The following ITIH4 variants were observed in gnomAD, a reference collection of about 807,000 sequenced individuals.
The protein encoded by ITIH4 is inter-alpha-trypsin inhibitor heavy chain 4.
Under a neutral mutation model 111.8 loss-of-function variants are expected in ITIH4, and 79 were observed. The observed-to-expected ratio is 0.71, with a 90% CI of 0.59 to 0.85. The LOEUF is 0.85. Among genes scored for constraint, ITIH4 ranks in the 40% least tolerant of loss-of-function variants. The probability of loss-of-function intolerance (pLI) is 0.00; values close to 1 mark genes in which losing one functional copy is unlikely to be tolerated. For synonymous variants in ITIH4, 472 were observed against 468.3 expected (o/e 1.01, Z -0.10); for missense variants, 1,065 against 1,195.8 (o/e 0.89, Z 1.61).
chr3:52,823,950 C>T lies in ITIH4; in HGVS notation c.1226G>A (p.Arg409Gln), dbSNP rs748039841. 1.5e-5 allele frequency: 24 copies of T among 1,597,734 alleles called. No individual in the cohort carries two copies. Among genetic ancestry groups the T allele is most frequent in the Admixed American group, 5.2e-5 (3 of 58,056 alleles). ...QNNVREAVSG[R>Q]YSLFCLGFGF... The stretch of plus-strand genomic sequence containing the variant: ...GAAGCCCAGGCAGAAGAGGCTGTAC[C>T]GGCCACTTACAGCTTCCCGCACGTT... Residue 409 changes from arginine to glutamine, a missense_variant, in exon 10 of 24, where the codon CGG becomes CAG. Arg to Gln is a conservative substitution (Grantham distance 43). Coordinates refer to ENST00000266041, the MANE Select transcript of ITIH4 (RefSeq NM_002218.5).
At chr3:52,818,633 G>A in intron 17 of ITIH4, 97 bp from the exon 18 acceptor site, 1 of 958,796 alleles carries the variant, frequency 1.0e-6, no homozygotes, top group Non-Finnish European at 1.6e-6. Flanking sequence ...CCCCCATCCT[G>A]CCACACATAC....
chr3:52,826,094 G>C (rs1700476087), intron 5 of ITIH4, 80 bp from the exon 6 acceptor site: 1 of 1,563,896 alleles, frequency 6.4e-7, no homozygotes. Context: ...TCTGTATATT[G>C]GGAAATCAGA....
At chr3:52,814,098 G>T (rs1700234699) in intron 22 of ITIH4, 27 bp from the exon 23 acceptor site, 1 of 1,611,088 alleles carries the variant, frequency 6.2e-7, no homozygotes, top group Non-Finnish European at 8.5e-7. Context: ...GGATCAGTAA[G>T]GGTCAGAGAC....
intron 14 of ITIH4, 147 bp from the exon 15 acceptor site, chr3:52,820,137 TG>T: frequency 7.7e-7 from 1 of 1,293,468 alleles, no homozygotes; most frequent in Non-Finnish European, 1.1e-6. Context: ...ACCAGCATGC[TG>T]GGTCAGATTA....
At chr3:52,816,840 C>T in intron 21 of ITIH4, 44 bp downstream of exon 21, 1 of 1,582,016 alleles carries the variant, frequency 6.3e-7, no homozygotes, top group Non-Finnish European at 8.6e-7. Flanking sequence ...GCCACTGTAG[C>T]CTGAAAGGTC....
intron 14 of ITIH4, 145 bp from the exon 15 acceptor site, chr3:52,820,135 G>T: frequency 7.7e-7 from 1 of 1,292,806 alleles, no homozygotes; most frequent in Non-Finnish European, 1.1e-6. Flanking sequence ...GCACCAGCAT[G>T]CTGGGTCAGA....
Position 52,823,594 on chromosome 3 carries a change from C to T in ITIH4, c.1501G>A (p.Gly501Arg), listed in dbSNP as rs141191778. Residue 501 changes from glycine (G) to arginine (R), a missense_variant, in exon 11 of 24, where the codon GGG (glycine) becomes AGG (arginine). Physicochemically the swap from Gly to Arg is moderately radical, Grantham distance 125. Coordinates refer to ENST00000266041, the MANE Select transcript of ITIH4 (RefSeq NM_002218.5). ...MVVAGKLQDR[G>R]PDVLTATVSG... ...ACTGTGGCTGTGAGCACATCAGGCC[C>T]CCGGTCCTGGAGCTTCCCAGCCACC... The T allele has an allele frequency of 1.2e-6, 2 of 1,613,346 alleles. No homozygotes were observed. Among genetic ancestry groups the T allele is most frequent in the Middle Eastern group, 1.7e-4 (1 of 5,848 alleles).
At position 52,818,484 on chromosome 3, in the gene ITIH4, A is replaced by T; in HGVS notation, c.2130T>A (p.Arg710=). The T allele has an allele frequency of 6.2e-7, 1 of 1,605,404 alleles. No homozygotes were observed. Among genetic ancestry groups the T allele is most frequent in the Non-Finnish European group, 8.5e-7 (1 of 1,175,788 alleles). The change falls in exon 18 of 24, where the codon CGT becomes CGA. Residue 710 remains arginine (R), a synonymous_variant. Transcript: ENST00000266041. ...CACCTTCGATTTTCATATTCATGAC[A>T]CGAGACACAGCTGGATCAGGATTTG... ...ATSNPDPAVS[R]VMNMKIEETT...
chr3:52,826,923 C>T lies in ITIH4; in HGVS notation c.387G>A (p.Gln129=). Residue 129 remains glutamine, a synonymous_variant, in exon 4 of 24, where the codon CAG becomes CAA. Coordinates refer to ENST00000266041, the MANE Select transcript of ITIH4 (RefSeq NM_002218.5). The part of the protein sequence containing the change: ...KATGRNMEQF[Q]VSVSVAPNAK... ...CATTGGGAGCCACACTGACCGACAC[C>T]TGGAACTGCTCCATGTTTCTCCCGG... 2.5e-6 allele frequency: 4 copies of T among 1,614,116 alleles called. No individual in the cohort carries two copies. Among genetic ancestry groups the T allele is most frequent in the Non-Finnish European group, 3.4e-6 (4 of 1,180,020 alleles).
At chr3:52,816,833 A>T (rs984047248) in intron 21 of ITIH4, 51 bp downstream of exon 21, 2 of 1,552,650 alleles carry the variant, frequency 1.3e-6, no homozygotes, top group African/African-American at 2.7e-5. Flanking sequence ...ATCATCAGCC[A>T]CTGTAGCCTG....
chr3:52,819,110 C>A, intron 17 of ITIH4: 1 of 418,982 alleles, frequency 2.4e-6, no homozygotes, highest in Non-Finnish European at 4.4e-6. Flanking sequence ...CTAAAGGACC[C>A]GGGTGAGCTC....
rs757976817 is a variant in ITIH4 at position 52,818,179 on chromosome 3, C to T, written c.2180-11G>A. On this transcript the variant is annotated splice_polypyrimidine_tract_variant and intron_variant, in intron 19 of 23. Coordinates refer to ENST00000266041, the MANE Select transcript of ITIH4 (RefSeq NM_002218.5). Reference sequence around the variant, plus strand: ...GAGCCTGTATGGGGGCTGGGACAGCCGGGGCACGGCTCCTGGAGCAGGAAG... The same window carrying T: ...GAGCCTGTATGGGGGCTGGGACAGCTGGGGCACGGCTCCTGGAGCAGGAAG... 18 of 1,604,172 alleles carry T rather than the reference C, an allele frequency of 1.1e-5. No homozygotes were observed. The highest frequency in any genetic ancestry group is 1.1e-4 in the South Asian group (10 of 90,206).
intron 20 of ITIH4, 37 bp from the exon 21 acceptor site, chr3:52,817,095 C>T (rs1440135943): frequency 6.3e-7 from 1 of 1,586,824 alleles, no homozygotes. Flanking sequence ...TAGCTGGGCC[C>T]CAGCCAGGTC....
intron 21 of ITIH4, 54 bp downstream of exon 21, chr3:52,816,830 G>C: frequency 1.9e-6 from 3 of 1,541,700 alleles, no homozygotes; most frequent in Non-Finnish European, 2.7e-6. Flanking sequence ...ACCATCATCA[G>C]CCACTGTAGC....
chr3:52,825,751 T>C (rs1196164589), intron 6 of ITIH4, 135 bp downstream of exon 6: 1 of 965,888 alleles, frequency 1.0e-6, no homozygotes, highest in Admixed American at 2.7e-5. Context: ...AATCACGTGT[T>C]TTCTGTCTGT....
At chr3:52,818,907 C>A in intron 17 of ITIH4, 1 of 311,750 alleles carries the variant, frequency 3.2e-6, no homozygotes, top group African/African-American at 2.1e-5. Flanking sequence ...GAGGGGAGGC[C>A]TGATGTCCAT....
At chr3:52,825,176 C>T (rs1213319418) in intron 6 of ITIH4, 3 of 378,336 alleles carry the variant, frequency 7.9e-6, no homozygotes, top group Non-Finnish European at 1.4e-5. Context: ...CAGAACTCTC[C>T]CTGCAACTTT....
chr3:52,821,078 G>A lies in ITIH4; in HGVS notation c.1592C>T (p.Ala531Val), dbSNP rs754898084. The stretch of plus-strand genomic sequence containing the variant: ...GATATACTTGGGGCTCTGGAACTCC[G>A]CCTCCTGCTCTGCCACACTGGACTC... ...QTESSVAEQE[A>V]EFQSPKYIFH... The change falls in exon 12 of 24, where the codon GCG becomes GTG. Residue 531 changes from alanine to valine, a missense_variant. Ala to Val is a moderately conservative substitution (Grantham distance 64, BLOSUM62 0). Coordinates refer to ENST00000266041, the MANE Select transcript of ITIH4 (RefSeq NM_002218.5). The A allele has an allele frequency of 4.3e-6, 7 of 1,613,928 alleles. No individual in the cohort carries two copies. The South Asian group carries it at 7.7e-5, about 18-fold the overall frequency.
Position 52,813,396 on chromosome 3 carries a change from G to C in ITIH4, c.*25C>G, listed in dbSNP as rs770281378. On this transcript the variant is annotated 3_prime_UTR_variant, in exon 24 of 24. Transcript: ENST00000266041. ...TGCAGGGGGAAGCCAAGTGTACAGGGTGGGCACAGCTCCTTCCATCAGAAC... is the reference window on the plus strand; with the variant it reads ...TGCAGGGGGAAGCCAAGTGTACAGGCTGGGCACAGCTCCTTCCATCAGAAC... 3.1e-6 allele frequency: 5 copies of C among 1,610,698 alleles called. No individual in the cohort carries two copies. The East Asian group carries it at 1.1e-4, about 36-fold the overall frequency.
Sources: allele counts gnomAD v4.1 joint callset, GRCh38; gene constraint gnomAD v4.1.1; transcripts MANE v1.5; gene names NCBI Gene and HGNC (gene_info 2026-07-23, HGNC 2026-07-21).